TRIP11: variants seen among roughly 807,000 people sequenced by gnomAD.
TRIP11 encodes thyroid receptor-interacting protein 11.
In TRIP11, 148 loss-of-function variants were observed where a neutral mutation model predicts 223.1. The ratio of observed to expected loss-of-function variants is 0.66; its 90% CI spans 0.58 to 0.76. The LOEUF is 0.76. Among genes scored for constraint, TRIP11 ranks in the 30% least tolerant of loss-of-function variants. The pLI, the probability that TRIP11 is intolerant of heterozygous loss-of-function variation, is 0.00. For missense variants in TRIP11, 2,043 were observed against 2,222.0 expected (o/e 0.92, Z 1.62); for synonymous variants, 762 against 772.6 (o/e 0.99, Z 0.23).
chr14:92,004,086 T>C lies in TRIP11; in HGVS notation c.3890A>G (p.Gln1297Arg), dbSNP rs2056864845. 6.2e-7 allele frequency: 1 copy of C among 1,614,112 alleles called. No homozygotes were observed. Among genetic ancestry groups the C allele is most frequent in the African/African-American group, 1.3e-5 (1 of 74,946 alleles). Residue 1297 changes from glutamine (Q) to arginine (R), a missense_variant, in exon 11 of 21, where the codon CAG becomes CGG. Transcript: ENST00000267622. Reference sequence around the variant, plus strand: ...AAGAAGATCCTTGGTATTGCAAAGCTGCCCAATGCTGTGCTGAACTTGTGC... The same window carrying C: ...AAGAAGATCCTTGGTATTGCAAAGCCGCCCAATGCTGTGCTGAACTTGTGC... ...ELAQVQHSIG[Q>R]LCNTKDLLLG...
intron 19 of TRIP11, among the ~76,000 whole-genome samples, chr14:91,973,645 A>G (rs1241048804): frequency 2.6e-5 from 4 of 152,188 alleles, no homozygotes; most frequent in Non-Finnish European, 5.9e-5. Context: ...TTTCCTTTAA[A>G]TTAAATTTTA....
At chr14:92,023,698 C>T (rs1747251506) in intron 3 of TRIP11, among the ~76,000 whole-genome samples, 3 of 152,176 alleles carry the variant, frequency 2.0e-5, no homozygotes, top group Admixed American at 2.0e-4. Flanking sequence ...GGAGGAACTA[C>T]TGTTCTATCA....
intron 15 of TRIP11, among the ~76,000 whole-genome samples, chr14:91,993,478 A>C (rs2056707058): frequency 7.2e-6 from 1 of 138,854 alleles, no homozygotes; most frequent in African/African-American, 2.6e-5. Flanking sequence ...CTCGGTCTCA[A>C]AAAAAAAAAA....
At chr14:91,972,903 G>A (rs1255434586) in intron 19 of TRIP11, 42 bp from the exon 20 acceptor site, 1 of 1,509,754 alleles carries the variant, frequency 6.6e-7, no homozygotes, top group South Asian at 1.2e-5. Flanking sequence ...AGATAATTAA[G>A]TTATATTCAC....
chr14:92,037,542 A>G lies in TRIP11; in HGVS notation c.139+2005T>C, dbSNP rs1299955234. On this transcript the variant is annotated intron_variant, in intron 1 of 20. Coordinates refer to ENST00000267622, the MANE Select transcript of TRIP11 (RefSeq NM_004239.4). This position sits in a 1 kb window ranked among gnomAD's most constrained non-coding sequence, Gnocchi z 4.2. Reference sequence around the variant, plus strand: ...GCTGTGCGTACAAGCAAGCATATATATGTGCACATGTACAGCAACTGGTAT... The same window carrying G: ...GCTGTGCGTACAAGCAAGCATATATGTGTGCACATGTACAGCAACTGGTAT... Among the ~76,000 whole-genome samples the G allele has an allele frequency of 6.6e-6, 1 of 152,244 alleles. No individual in the cohort carries two copies. Among genetic ancestry groups the G allele is most frequent in the Non-Finnish European group, 1.5e-5 (1 of 68,050 alleles).
chr14:92,004,575 A>G lies in TRIP11; in HGVS notation c.3401T>C (p.Ile1134Thr), dbSNP rs562038091. The change falls in exon 11 of 21, where the codon ATC becomes ACC. Residue 1134 changes from isoleucine (I) to threonine (T), a missense_variant. Transcript: ENST00000267622. Reference protein sequence around the residue: ...DIVAAKEAALIKLQDENKKLS... With the variant: ...DIVAAKEAALTKLQDENKKLS... Reference sequence around the variant, plus strand: ...TTTTTTATTTTCATCTTGCAGTTTGATAAGAGCTGCTTCCTTGGCAGCAAC... The same window carrying G: ...TTTTTTATTTTCATCTTGCAGTTTGGTAAGAGCTGCTTCCTTGGCAGCAAC... 5.6e-6 allele frequency: 9 copies of G among 1,613,962 alleles called. No homozygotes were observed. Among genetic ancestry groups the G allele is most frequent in the Middle Eastern group, 1.7e-4 (1 of 6,060 alleles).
Position 91,969,598 on chromosome 14 carries a change from C to G in TRIP11, c.*75G>C, listed in dbSNP as rs1256218711. The G allele has an allele frequency of 6.8e-7, 1 of 1,461,920 alleles. No individual in the cohort carries two copies. Among genetic ancestry groups the G allele is most frequent in the Non-Finnish European group, 9.6e-7 (1 of 1,044,458 alleles). 90.6% of individuals were successfully genotyped at this position (1,461,920 alleles called of 1,614,324 possible). On this transcript the variant is annotated 3_prime_UTR_variant, in exon 21 of 21. Transcript: ENST00000267622. ...TACATGACTTTCTCCCCAAAGGCCA[C>G]TTTGTGATAAAGTACATACATATAG...
chr14:92,015,657 C>CA (rs35214785), intron 6 of TRIP11, 39 bp downstream of exon 6: 51 of 1,511,876 alleles, frequency 3.4e-5, no homozygotes, highest in African/African-American at 3.1e-4. Context: ...GACTCCATCT[C>CA]AAAAAAAATA....
intron 6 of TRIP11, 111 bp downstream of exon 6, chr14:92,015,585 G>C: frequency 1.2e-6 from 1 of 838,416 alleles, no homozygotes; most frequent in Non-Finnish European, 1.8e-6. Flanking sequence ...TTGAACCCGG[G>C]GGGCGGAGGT....
At chr14:92,035,262 A>C (rs1486832506) in intron 1 of TRIP11, among the ~76,000 whole-genome samples, 1 of 152,092 alleles carries the variant, frequency 6.6e-6, no homozygotes, top group Non-Finnish European at 1.5e-5. Context: ...CAGAAGCTGC[A>C]GTGAGCCAAG....
chr14:92,030,203 C>CAA (rs55828319), intron 2 of TRIP11, among the ~76,000 whole-genome samples: 163 of 67,010 alleles, frequency 2.4e-3, no homozygotes, highest in Admixed American at 2.7e-3. Context: ...GACTCCGTCT[C>CAA]AAAAAAAAAA....
intron 16 of TRIP11, among the ~76,000 whole-genome samples, chr14:91,987,456 C>T (rs1054819203): frequency 1.3e-5 from 2 of 152,192 alleles, no homozygotes. Context: ...AGCTCCTCTG[C>T]TGTACCATCT....
intron 10 of TRIP11, 108 bp downstream of exon 10, chr14:92,007,532 G>A: frequency 5.7e-6 from 7 of 1,231,528 alleles, no homozygotes; most frequent in Non-Finnish European, 8.2e-6. Context: ...TACCAAAAAG[G>A]TTTGTCAATC....
chr14:91,974,637 A>G lies in TRIP11; in HGVS notation c.5564T>C (p.Val1855Ala). ...NTPLRPNQQS[V>A]VNSSFSELFV... ...AAAATTGTTTCTTACACTATTAACC[A>G]CAGATTGCTGATTTGGTCTCAAAGG... The change falls in exon 19 of 21, where the codon GTG becomes GCG. Residue 1855 changes from valine to alanine, a missense_variant. Coordinates refer to ENST00000267622, the MANE Select transcript of TRIP11 (RefSeq NM_004239.4). The G allele has an allele frequency of 6.2e-7, 1 of 1,611,824 alleles. No homozygotes were observed. The highest frequency in any genetic ancestry group is 8.5e-7 in the Non-Finnish European group (1 of 1,179,514).
chr14:92,031,208 TC>T (rs1405689102), intron 2 of TRIP11, among the ~76,000 whole-genome samples: 1 of 152,112 alleles, frequency 6.6e-6, no homozygotes, highest in Non-Finnish European at 1.5e-5. Flanking sequence ...AACCTCCACA[TC>T]CCGGGTTCAA....
intron 16 of TRIP11, chr14:91,977,067 TA>T: frequency 3.9e-6 from 1 of 259,288 alleles, no homozygotes; most frequent in Non-Finnish European, 7.8e-6. Context: ...CTGAAAGAAA[TA>T]AAGAGGAGAG....
At chr14:92,026,698 G>A in intron 2 of TRIP11, 1 of 1,022,324 alleles carries the variant, frequency 9.8e-7, no homozygotes, top group South Asian at 1.3e-5. Context: ...GCAAGAGGCT[G>A]ACAATGAAGT....
Position 92,006,220 on chromosome 14 carries a change from C to A in TRIP11, c.1756G>T (p.Glu586Ter). Residue 586 changes from glutamate (E) to a stop codon, truncating the protein, a stop_gained, in exon 11 of 21, where the codon GAA (glutamate) becomes TAA (stop). Coordinates refer to ENST00000267622, the MANE Select transcript of TRIP11 (RefSeq NM_004239.4). LOFTEE classifies it high-confidence loss of function. ...LTKQKLEDKV[E>*]NLVDQLNKSQ... ...TTATTTAGCTGATCTACTAAATTTT[C>A]TACTTTGTCCTCAAGTTTCTGCTTG... 1.2e-6 allele frequency: 2 copies of A among 1,613,128 alleles called. No individual in the cohort carries two copies. Among genetic ancestry groups the A allele is most frequent in the Non-Finnish European group, 1.7e-6 (2 of 1,179,742 alleles).
rs150309790 is a variant in TRIP11, at chr14:91,987,978, G to A, written c.5260+306C>T. Among the ~76,000 whole-genome samples the A allele has an allele frequency of 4.6e-5, 7 of 152,310 alleles. No individual in the cohort carries two copies. The East Asian group carries it at 1.3e-3, about 29-fold the overall frequency. ...AAGATGCACGTGAACTGATAAGGGAGAAATCATATCCATAAAAAGTCAAAT... is the reference window on the plus strand; with the variant it reads ...AAGATGCACGTGAACTGATAAGGGAAAAATCATATCCATAAAAAGTCAAAT... On this transcript the variant is annotated intron_variant, in intron 16 of 20. Transcript: ENST00000267622.
Sources: gnomAD v4.1 joint callset for allele counts (sites outside exome capture counted in the v4.1 genomes callset) on GRCh38, gnomAD v4.1.1 for gene constraint, Gnocchi (gnomAD v3.1) non-coding constraint, MANE v1.5 for transcripts, NCBI Gene and HGNC (gene_info 2026-07-23, HGNC 2026-07-21) for gene names.